Variants in CADPS observed in about 807,000 individuals in gnomAD.
The protein encoded by CADPS is calcium-dependent secretion activator 1.
Under a neutral mutation model 167.3 loss-of-function variants are expected in CADPS, and 57 were observed. That is an observed-to-expected ratio of 0.34 (90% CI 0.28 to 0.42). CADPS has a LOEUF of 0.42. Ranked by LOEUF, CADPS falls within the 20% of genes least tolerant of loss-of-function variation. The probability of loss-of-function intolerance (pLI) is 1.00; values close to 1 mark genes in which losing one functional copy is unlikely to be tolerated. For missense variants in CADPS, 1,414 were observed against 1,738.1 expected (o/e 0.81, Z 3.32); for synonymous variants, 676 against 635.3 (o/e 1.06, Z -0.96).
chr3:62,435,617 A>C (rs4688129), intron 28 of CADPS, among the ~76,000 whole-genome samples: 21,041 of 152,204 alleles, frequency 0.14, 1,541 homozygotes, highest in East Asian at 0.22. Flanking sequence ...TTAGAAAGTA[A>C]GAAAGTAAAT....
chr3:62,872,076 C>G (rs1193428362), intron 1 of CADPS, among the ~76,000 whole-genome samples: 1 of 151,872 alleles, frequency 6.6e-6, no homozygotes, highest in Admixed American at 6.6e-5. Flanking sequence ...ATCTCGTTCT[C>G]TCTCTCTCTG....
At chr3:62,408,623 G>A (rs1049439863) in intron 28 of CADPS, among the ~76,000 whole-genome samples, 1 of 152,184 alleles carries the variant, frequency 6.6e-6, no homozygotes, top group East Asian at 1.9e-4. Context: ...TGCTACTGCG[G>A]TTATGTCTTC....
intron 3 of CADPS, among the ~76,000 whole-genome samples, chr3:62,716,302 T>C (rs1003138327): frequency 4.6e-5 from 7 of 151,844 alleles, no homozygotes; most frequent in African/African-American, 1.7e-4. Flanking sequence ...GATCCGTCCA[T>C]CTCGGCCTCC....
chr3:62,540,190 T>C (rs1391717243), intron 11 of CADPS, among the ~76,000 whole-genome samples: 1 of 152,152 alleles, frequency 6.6e-6, no homozygotes. Flanking sequence ...TTCTTAAACC[T>C]TATCATTTCT....
intron 28 of CADPS, among the ~76,000 whole-genome samples, chr3:62,417,387 C>T (rs569406918): frequency 1.5e-4 from 21 of 140,340 alleles, no homozygotes; most frequent in African/African-American, 5.1e-4. Context: ...CAGGTTCAAG[C>T]GATTCTCAGG....
chr3:62,864,721 T>C (rs955024042), intron 1 of CADPS, among the ~76,000 whole-genome samples: 1 of 152,160 alleles, frequency 6.6e-6, no homozygotes, highest in Non-Finnish European at 1.5e-5. Context: ...TAAAGTCATA[T>C]TCTGAGGCAG....
rs968497464 is a variant in CADPS at position 62,527,505 on chromosome 3, C to T, written c.2291+5366G>A. Among the ~76,000 whole-genome samples, 6 of 152,108 alleles carry T rather than the reference C, an allele frequency of 3.9e-5. No homozygotes were observed. The South Asian group carries it at 8.3e-4, about 21-fold the overall frequency. On this transcript the variant is annotated intron_variant, in intron 13 of 29. Transcript: ENST00000383710. ...CCCCAGTAATTCTAAAAATGCCAAA[C>T]ATGTGGATGGTTCCATACATCCCAG...
intron 1 of CADPS, among the ~76,000 whole-genome samples, chr3:62,850,725 T>A (rs1247152260): frequency 6.6e-6 from 1 of 151,782 alleles, no homozygotes; most frequent in Non-Finnish European, 1.5e-5. Context: ...AGGTGTGGTG[T>A]GGTGCTGAAA....
intron 13 of CADPS, among the ~76,000 whole-genome samples, chr3:62,525,041 T>C (rs115222223): frequency 0.014 from 2,106 of 152,252 alleles, 47 homozygotes; most frequent in African/African-American, 0.047. Flanking sequence ...CTAAAAGGAG[T>C]GTAACATCTG....
intron 2 of CADPS, among the ~76,000 whole-genome samples, chr3:62,758,245 C>A (rs1446065592): frequency 3.9e-5 from 6 of 152,220 alleles, no homozygotes; most frequent in Non-Finnish European, 8.8e-5. Context: ...GAGGATCAAA[C>A]TGAGAAGACT....
At chr3:62,794,527 C>T (rs1188764999) in intron 1 of CADPS, among the ~76,000 whole-genome samples, 4 of 152,050 alleles carry the variant, frequency 2.6e-5, no homozygotes, top group Admixed American at 2.0e-4. Context: ...GACTCCAGAG[C>T]CCACATGTAA....
chr3:62,532,165 A>G (rs1577315031), intron 13 of CADPS, among the ~76,000 whole-genome samples: 1 of 152,184 alleles, frequency 6.6e-6, no homozygotes, highest in East Asian at 1.9e-4. Flanking sequence ...GCCTGGAACC[A>G]CTCAACTCCT....
chr3:62,869,572 T>C (rs1346806841), intron 1 of CADPS, among the ~76,000 whole-genome samples: 1 of 152,170 alleles, frequency 6.6e-6, no homozygotes, highest in Non-Finnish European at 1.5e-5. Flanking sequence ...TATCCAATCC[T>C]GTGTGTGCAT....
At chr3:62,659,298 C>A (rs2072560059) in intron 4 of CADPS, among the ~76,000 whole-genome samples, 1 of 152,148 alleles carries the variant, frequency 6.6e-6, no homozygotes, top group Non-Finnish European at 1.5e-5. Context: ...AATATCTCTT[C>A]ATGAACTAGC....
At chr3:62,583,503 T>G (rs1273939308) in intron 8 of CADPS, among the ~76,000 whole-genome samples, 2 of 152,202 alleles carry the variant, frequency 1.3e-5, no homozygotes, top group Admixed American at 1.3e-4. Context: ...TCCTGGACAC[T>G]TGACAAAGGA....
chr3:62,530,653 C>A, intron 13 of CADPS: 1 of 1,286,228 alleles, frequency 7.8e-7, no homozygotes, highest in Non-Finnish European at 1.0e-6. Context: ...TAACTTCTTA[C>A]CTTTTCAGCT....
At chr3:62,750,675 T>C (rs980201167) in intron 3 of CADPS, among the ~76,000 whole-genome samples, 29 of 152,174 alleles carry the variant, frequency 1.9e-4, no homozygotes, top group Non-Finnish European at 4.0e-4. Context: ...CAGTTAACAT[T>C]TTGTTCTTTG....
In CADPS at chr3:62,597,322, G is replaced by C. The variant is rs943056563; in HGVS notation, c.1326-4574C>G. On this transcript the variant is annotated intron_variant, in intron 6 of 29. Transcript: ENST00000383710. The stretch of plus-strand genomic sequence containing the variant: ...TGATCACGCCACTGTACTCCAGCTT[G>C]GGTGACAGAGCGAGACCTTGTCTCT... 4.6e-5 allele frequency among the ~76,000 whole-genome samples: 7 copies of C among 152,104 alleles called. No individual in the cohort carries two copies. The East Asian group carries it at 9.6e-4, about 21-fold the overall frequency.
chr3:62,763,373 G>C (rs2086015965), intron 2 of CADPS, among the ~76,000 whole-genome samples: 1 of 152,218 alleles, frequency 6.6e-6, no homozygotes, highest in Non-Finnish European at 1.5e-5. Flanking sequence ...ACAGGGATGA[G>C]TACAGTCGAG....
Sources: allele counts gnomAD v4.1 joint callset (sites outside exome capture counted in the v4.1 genomes callset), GRCh38; gene constraint gnomAD v4.1.1; transcripts MANE v1.5; gene names NCBI Gene and HGNC (gene_info 2026-07-23, HGNC 2026-07-21).